Variants in SUGCT observed in about 807,000 individuals in gnomAD.
SUGCT encodes the protein succinyl-CoA:glutarate CoA-transferase.
SUGCT carries 41 observed loss-of-function variants against 55.0 expected under a neutral mutation model. That is an observed-to-expected ratio of 0.74 (90% CI 0.58 to 0.97). The LOEUF is 0.97. SUGCT is among the 50% of genes least tolerant of loss of function. The probability of loss-of-function intolerance (pLI) is 0.00; values close to 1 mark genes in which losing one functional copy is unlikely to be tolerated. For missense variants in SUGCT, 568 were observed against 547.8 expected (o/e 1.04, Z -0.37); for synonymous variants, 187 against 200.4 (o/e 0.93, Z 0.56).
chr7:40,952,638 G>A, the SUGCT span, among the ~76,000 whole-genome samples: 2 of 152,110 alleles, frequency 1.3e-5, no homozygotes, highest in African/African-American at 4.8e-5. Context: ...AGCTCTTGTA[G>A]GGCAGACCTG....
intron 13 of SUGCT, among the ~76,000 whole-genome samples, chr7:40,820,424 G>T (rs980444176): frequency 1.3e-5 from 2 of 152,166 alleles, no homozygotes; most frequent in Non-Finnish European, 2.9e-5. Flanking sequence ...ATTTGTTTGT[G>T]TCCTCTTTTA....
intron 12 of SUGCT, among the ~76,000 whole-genome samples, chr7:40,589,364 G>A (rs1269508348): frequency 6.6e-6 from 1 of 152,074 alleles, no homozygotes; most frequent in African/African-American, 2.4e-5. Context: ...AAAGATTAAG[G>A]CACCAGCATC....
At chr7:40,852,108 A>G (rs1471145143) in intron 13 of SUGCT, among the ~76,000 whole-genome samples, 1 of 152,242 alleles carries the variant, frequency 6.6e-6, no homozygotes, top group African/African-American at 2.4e-5. Context: ...TTTCATAGGC[A>G]TCTCAAACTT....
the SUGCT span, among the ~76,000 whole-genome samples, chr7:41,001,167 T>C: frequency 6.6e-6 from 1 of 152,104 alleles, no homozygotes; most frequent in Non-Finnish European, 1.5e-5. Context: ...CATTACTCAG[T>C]TAAAGATGCT....
At chr7:40,392,483 G>A (rs115118559) in intron 9 of SUGCT, among the ~76,000 whole-genome samples, 1,544 of 152,086 alleles carry the variant, frequency 0.01, 21 homozygotes, top group African/African-American at 0.035. Context: ...TGAATTCCAG[G>A]TAGAGGGTTC....
chr7:40,373,530 G>C (rs1315676559), intron 9 of SUGCT, among the ~76,000 whole-genome samples: 1 of 151,844 alleles, frequency 6.6e-6, no homozygotes. Context: ...TTCAATCTGA[G>C]AGTATATACT....
chr7:40,437,878 G>A (rs760851568), intron 9 of SUGCT, among the ~76,000 whole-genome samples: 21 of 152,056 alleles, frequency 1.4e-4, no homozygotes, highest in African/African-American at 4.3e-4. Context: ...AAGCCTTGAA[G>A]TTTATGCTCT....
At chr7:40,235,798 T>G (rs949488224) in intron 6 of SUGCT, among the ~76,000 whole-genome samples, 2 of 152,164 alleles carry the variant, frequency 1.3e-5, no homozygotes, top group Non-Finnish European at 2.9e-5. Context: ...AATGGTATTG[T>G]GTTTCTATTG....
At chr7:40,300,940 A>G (rs1174698610) in intron 8 of SUGCT, among the ~76,000 whole-genome samples, 6 of 152,298 alleles carry the variant, frequency 3.9e-5, no homozygotes, top group Non-Finnish European at 8.8e-5. Context: ...AATGGCAGTT[A>G]TATTTAACAA....
intron 9 of SUGCT, among the ~76,000 whole-genome samples, chr7:40,384,355 G>T (rs1000166472): frequency 6.6e-6 from 1 of 152,150 alleles, no homozygotes; most frequent in Non-Finnish European, 1.5e-5. Flanking sequence ...CATGCCCAGC[G>T]TGTAAGAAAG....
chr7:40,989,779 C>G, the SUGCT span, among the ~76,000 whole-genome samples: 1 of 151,956 alleles, frequency 6.6e-6, no homozygotes, highest in Non-Finnish European at 1.5e-5. Context: ...AAAAACAAAA[C>G]AAAACAAAAA....
intron 12 of SUGCT, among the ~76,000 whole-genome samples, chr7:40,605,583 A>G (rs1798487911): frequency 6.6e-6 from 1 of 152,186 alleles, no homozygotes; most frequent in African/African-American, 2.4e-5. Flanking sequence ...GTAGGGCTGT[A>G]GAGAGCAGTC....
At chr7:40,149,327 G>T (rs1421325456) in intron 1 of SUGCT, among the ~76,000 whole-genome samples, 2 of 152,150 alleles carry the variant, frequency 1.3e-5, no homozygotes, top group African/African-American at 4.8e-5. Context: ...TAACCTCCAA[G>T]CTGTCCTTGT....
intron 1 of SUGCT, chr7:40,153,610 T>C (rs541327527): frequency 9.6e-6 from 5 of 519,944 alleles, no homozygotes; most frequent in Admixed American, 2.0e-5. Context: ...TGTGGTCTGC[T>C]ACCTTATGTT....
At chr7:40,935,335 TC>T in the SUGCT span, among the ~76,000 whole-genome samples, 1 of 151,042 alleles carries the variant, frequency 6.6e-6, no homozygotes, top group Non-Finnish European at 1.5e-5. Context: ...AACCATCACT[TC>T]CATTGAATTC....
chr7:40,902,263 T>C, the SUGCT span, among the ~76,000 whole-genome samples: 1 of 152,088 alleles, frequency 6.6e-6, no homozygotes, highest in Non-Finnish European at 1.5e-5. Flanking sequence ...TATGTTTATG[T>C]TTAATATATT....
intron 12 of SUGCT, among the ~76,000 whole-genome samples, chr7:40,711,035 C>A (rs968972912): frequency 6.6e-6 from 1 of 152,170 alleles, no homozygotes; most frequent in African/African-American, 2.4e-5. Flanking sequence ...CACTGTTTAA[C>A]AAGGTTAATG....
chr7:40,419,870 T>A (rs140877660), intron 9 of SUGCT, among the ~76,000 whole-genome samples: 86 of 152,324 alleles, frequency 5.6e-4, no homozygotes, highest in African/African-American at 2.0e-3. Flanking sequence ...TGTGAAACAC[T>A]GTGCTAAGCA....
rs1791156157 is a variant in SUGCT, at chr7:40,483,317, A to G, written c.987-12967A>G. ...CTGTACCAAGTTTTTGTTCCTAAAA[A>G]CTTCTTCTTCTCTAGTGTCTTCTGC... On this transcript the variant is annotated intron_variant, in intron 11 of 13. Transcript: ENST00000335693. Among the ~76,000 whole-genome samples the G allele has an allele frequency of 1.3e-5, 2 of 152,014 alleles. 1 individual carries two copies. The highest frequency in any genetic ancestry group is 2.9e-5 in the Non-Finnish European group (2 of 68,000).
Sources: gnomAD v4.1 joint callset for allele counts (sites outside exome capture counted in the v4.1 genomes callset) on GRCh38, gnomAD v4.1.1 for gene constraint, MANE v1.5 for transcripts, NCBI Gene and HGNC (gene_info 2026-07-23, HGNC 2026-07-21) for gene names.